The following PTPN11 variants were observed in gnomAD, a reference collection of about 807,000 sequenced individuals.
PTPN11 encodes tyrosine-protein phosphatase non-receptor type 11.
In PTPN11, 6 loss-of-function variants were observed where a neutral mutation model predicts 78.8. The observed-to-expected ratio is 0.08, with a 90% CI of 0.04 to 0.15. The LOEUF (loss-of-function observed/expected upper bound fraction) is 0.15. Among genes scored for constraint, PTPN11 ranks in the 10% least tolerant of loss-of-function variants. The pLI is 1.00. For synonymous variants in PTPN11, 221 were observed against 263.5 expected (o/e 0.84, Z 1.56); for missense variants, 386 against 744.8 (o/e 0.52, Z 5.61).
chr12:112,456,133 T>C, intron 6 of PTPN11, 70 bp downstream of exon 6: 1 of 1,046,690 alleles, frequency 9.6e-7, no homozygotes. Flanking sequence ...AAGTTGCTCT[T>C]GTGTTTGGAA....
intron 9 of PTPN11, among the ~76,000 whole-genome samples, chr12:112,479,251 G>A (rs560913436): frequency 6.6e-6 from 1 of 152,040 alleles, no homozygotes; most frequent in Non-Finnish European, 1.5e-5. Context: ...GCCCACCATG[G>A]TGGTTTTTTT....
rs1039250039 is a variant in PTPN11, at chr12:112,450,507, T to G, written c.327T>G (p.Ser109=). 6.8e-6 allele frequency: 11 copies of G among 1,613,796 alleles called. No individual in the cohort carries two copies. The Admixed American group carries it at 1.2e-4, about 17-fold the overall frequency. ...CTCTGAACTGTGCAGATCCTACCTC[T>G]GAAAGGTCAGTAACATTTTAGTGAC... ...KYPLNCADPT[S]ERWFHGHLSG... Residue 109 remains serine, a synonymous_variant, in exon 3 of 16, where the codon TCT becomes TCG. Coordinates refer to ENST00000351677, the MANE Select transcript of PTPN11 (RefSeq NM_002834.5).
At chr12:112,443,013 C>G (rs2037933312) in intron 1 of PTPN11, among the ~76,000 whole-genome samples, 1 of 149,700 alleles carries the variant, frequency 6.7e-6, no homozygotes, top group Non-Finnish European at 1.5e-5. Context: ...TTTGTTGGAA[C>G]CACTTGAGGG....
intron 1 of PTPN11, among the ~76,000 whole-genome samples, chr12:112,443,792 A>G (rs1262294090): frequency 6.6e-6 from 1 of 151,480 alleles, no homozygotes; most frequent in Non-Finnish European, 1.5e-5. Context: ...AGCTGGGACT[A>G]TAGGCACACA....
intron 1 of PTPN11, among the ~76,000 whole-genome samples, chr12:112,436,791 T>C (rs141995573): frequency 6.7e-6 from 1 of 149,880 alleles, no homozygotes; most frequent in African/African-American, 2.5e-5. Flanking sequence ...CTGAATGGAG[T>C]TGAATTTAAG....
At chr12:112,419,158 C>T in intron 1 of PTPN11, 33 bp downstream of exon 1, 1 of 1,489,160 alleles carries the variant, frequency 6.7e-7, no homozygotes, top group Non-Finnish European at 8.9e-7. Flanking sequence ...GCGCGGGCCT[C>T]GGCCCGGCCA....
chr12:112,493,388 T>C (rs893946670), intron 13 of PTPN11, among the ~76,000 whole-genome samples: 1 of 150,350 alleles, frequency 6.7e-6, no homozygotes, highest in African/African-American at 2.4e-5. Flanking sequence ...TGTACATTTT[T>C]TTTTTTTTTT....
At chr12:112,486,421 C>T in intron 10 of PTPN11, 54 bp from the exon 11 acceptor site, 1 of 1,542,728 alleles carries the variant, frequency 6.5e-7, no homozygotes, top group Non-Finnish European at 9.0e-7. Context: ...CGGGTGATTC[C>T]TCAACCTCTT....
chr12:112,458,933 T>C (rs1366168322), intron 6 of PTPN11, among the ~76,000 whole-genome samples: 2 of 151,774 alleles, frequency 1.3e-5, no homozygotes, highest in African/African-American at 4.8e-5. Flanking sequence ...CTCTGGGGGT[T>C]GAGGTGGGAG....
chr12:112,466,274 TA>T lies in PTPN11; in HGVS notation c.757-6668del, dbSNP rs745501849. Reference sequence around the variant, plus strand: ...GAAATAATGGAGCCAACCATGCATATAACCTCAGGGAGAACATTCTAGGTAG... The same window carrying T: ...GAAATAATGGAGCCAACCATGCATATACCTCAGGGAGAACATTCTAGGTAG... On this transcript the variant is annotated intron_variant, in intron 6 of 15. Coordinates refer to ENST00000351677, the MANE Select transcript of PTPN11 (RefSeq NM_002834.5). Among the ~76,000 whole-genome samples, 22 of 152,332 alleles carry T rather than the reference TA, an allele frequency of 1.4e-4. No homozygotes were observed. In the East Asian group the frequency reaches 2.1e-3, roughly 15 times the overall value.
intron 6 of PTPN11, among the ~76,000 whole-genome samples, chr12:112,469,403 G>A (rs2038379098): frequency 6.6e-6 from 1 of 151,664 alleles, no homozygotes; most frequent in Non-Finnish European, 1.5e-5. Context: ...CCAGTATCTA[G>A]GTAGAATTTG....
At chr12:112,443,322 T>C (rs2037937302) in intron 1 of PTPN11, among the ~76,000 whole-genome samples, 1 of 152,062 alleles carries the variant, frequency 6.6e-6, no homozygotes, top group African/African-American at 2.4e-5. Context: ...TTAGGATATT[T>C]CTTTGCATCC....
At chr12:112,437,811 A>G (rs2037817928) in intron 1 of PTPN11, among the ~76,000 whole-genome samples, 2 of 151,426 alleles carry the variant, frequency 1.3e-5, no homozygotes, top group African/African-American at 4.9e-5. Context: ...TGTTTTCCCT[A>G]TTTTTTCTTA....
At chr12:112,460,790 C>T (rs1257737413) in intron 6 of PTPN11, among the ~76,000 whole-genome samples, 3 of 152,108 alleles carry the variant, frequency 2.0e-5, no homozygotes, top group East Asian at 1.9e-4. Context: ...TGCAGTGAGC[C>T]GAGATCGCGC....
chr12:112,488,654 C>T (rs2038709226), intron 12 of PTPN11, 144 bp downstream of exon 12: 2 of 882,382 alleles, frequency 2.3e-6, no homozygotes, highest in African/African-American at 1.6e-5. Flanking sequence ...GTGTGTCTGC[C>T]TGAGAACAGA....
intron 1 of PTPN11, among the ~76,000 whole-genome samples, chr12:112,421,405 G>T (rs1213892565): frequency 1.3e-5 from 2 of 152,034 alleles, no homozygotes; most frequent in African/African-American, 2.4e-5. Context: ...TCCTTCCTTT[G>T]TTCTTAGGCA....
Position 112,430,089 on chromosome 12 carries a change from C to T in PTPN11, c.14+10964C>T, listed in dbSNP as rs559035801. 7.3e-5 allele frequency among the ~76,000 whole-genome samples: 11 copies of T among 150,930 alleles called. No individual in the cohort carries two copies. The South Asian group carries it at 1.3e-3, about 17-fold the overall frequency. On this transcript the variant is annotated intron_variant, in intron 1 of 15. Transcript: ENST00000351677. The stretch of plus-strand genomic sequence containing the variant: ...AGGCTGGAGTGCAGTGGCACCATCT[C>T]GGCTCACTGCAACCTCTGCCTCCTG...
At chr12:112,444,559 C>T (rs999684311) in intron 1 of PTPN11, among the ~76,000 whole-genome samples, 24 of 152,096 alleles carry the variant, frequency 1.6e-4, no homozygotes, top group Admixed American at 8.5e-4. Context: ...AGGCTGCTCC[C>T]GAACTCCCGA....
At chr12:112,438,073 G>T (rs1471350101) in intron 1 of PTPN11, among the ~76,000 whole-genome samples, 1 of 152,052 alleles carries the variant, frequency 6.6e-6, no homozygotes, top group East Asian at 1.9e-4. Flanking sequence ...CACACTTCGG[G>T]TGGACTTTCT....
Sources: gnomAD v4.1 joint callset for allele counts (sites outside exome capture counted in the v4.1 genomes callset) on GRCh38, gnomAD v4.1.1 for gene constraint, MANE v1.5 for transcripts, NCBI Gene and HGNC (gene_info 2026-07-23, HGNC 2026-07-21) for gene names.